The following NEK6 variants were observed in gnomAD, a reference collection of about 807,000 sequenced individuals.
NEK6 encodes NIMA related kinase 6, also known as serine/threonine-protein kinase Nek6.
NEK6 carries 27 observed loss-of-function variants against 43.5 expected under a neutral mutation model. That is an observed-to-expected ratio of 0.62 (90% CI 0.46 to 0.86). NEK6 has a LOEUF of 0.86. NEK6 is among the 40% of genes least tolerant of loss of function. The pLI, the probability that NEK6 is intolerant of heterozygous loss-of-function variation, is 0.00. For synonymous variants in NEK6, 167 were observed against 164.1 expected (o/e 1.02, Z -0.14); for missense variants, 318 against 414.4 (o/e 0.77, Z 2.02).
At position 124,350,720 on chromosome 9, in the gene NEK6, C is replaced by A. The variant is rs1830222643; in HGVS notation, c.832-117C>A. 32 of 749,454 alleles carry A rather than the reference C, an allele frequency of 4.3e-5. 1 individual carries two copies. Among genetic ancestry groups the A allele is most frequent in the South Asian group, 4.0e-4 (27 of 68,000 alleles). 46.4% of individuals were successfully genotyped at this position (749,454 alleles called of 1,614,324 possible). ...CACCGTTCTTCAGCTCTAACGGGGA[C>A]AACGGGACCATCTAGTTGCTCTGAG... On this transcript the variant is annotated intron_variant, in intron 9 of 9. Transcript: ENST00000320246.
At chr9:124,301,122 G>A (rs906909305) in intron 1 of NEK6, among the ~76,000 whole-genome samples, 1 of 152,210 alleles carries the variant, frequency 6.6e-6, no homozygotes, top group Non-Finnish European at 1.5e-5. Context: ...GCATCCCGGT[G>A]GCTGGGTCAC....
upstream of NEK6, chr9:124,257,689 C>G: frequency 2.0e-6 from 3 of 1,533,202 alleles, no homozygotes; most frequent in Non-Finnish European, 2.6e-6. Flanking sequence ...AGTCTAGAGC[C>G]GGAGAAGATG....
chr9:124,282,609 C>T (rs1229073358), intron 1 of NEK6, among the ~76,000 whole-genome samples: 1 of 150,294 alleles, frequency 6.7e-6, no homozygotes, highest in Non-Finnish European at 1.5e-5. Context: ...CAGCAAGGGC[C>T]AGGCTGGGGC....
intron 1 of NEK6, among the ~76,000 whole-genome samples, chr9:124,285,122 G>C (rs1274169371): frequency 6.6e-6 from 1 of 152,216 alleles, no homozygotes; most frequent in Non-Finnish European, 1.5e-5. Context: ...GGCAAGCCCA[G>C]GTTTTGGGTC....
chr9:124,334,271 T>TG (rs1461319417), intron 7 of NEK6, among the ~76,000 whole-genome samples: 2 of 152,002 alleles, frequency 1.3e-5, no homozygotes, highest in African/African-American at 2.4e-5. Flanking sequence ...GATGAATGAA[T>TG]GGGGGTTGGA....
rs1834246774 is a variant in NEK6, at chr9:124,324,686, G to T, written c.406-1644G>T. Among the ~76,000 whole-genome samples the T allele has an allele frequency of 6.6e-6, 1 of 152,154 alleles. No homozygotes were observed. The highest frequency in any genetic ancestry group is 2.4e-5 in the African/African-American group (1 of 41,434). ...TGCTGAGACCTGGGACGGCTCACCT[G>T]AGAGGGCCTCCCAGAATTGTACCTC... On this transcript the variant is annotated intron_variant, in intron 5 of 9. Transcript: ENST00000320246. This position sits in a 1 kb window ranked among gnomAD's most constrained non-coding sequence, Gnocchi z 5.3.
At chr9:124,342,213 C>T (rs1829668282) in intron 8 of NEK6, among the ~76,000 whole-genome samples, 1 of 152,214 alleles carries the variant, frequency 6.6e-6, no homozygotes, top group African/African-American at 2.4e-5. Flanking sequence ...TGCAAACCCA[C>T]CTGTAAGTGG....
At chr9:124,259,668 G>A (rs1038626627) in intron 1 of NEK6, among the ~76,000 whole-genome samples, 1 of 152,192 alleles carries the variant, frequency 6.6e-6, no homozygotes, top group African/African-American at 2.4e-5. Flanking sequence ...GCCGTGGAAT[G>A]AGTCACTCCC....
At chr9:124,328,090 C>T (rs1231527079) in intron 7 of NEK6, among the ~76,000 whole-genome samples, 1 of 152,032 alleles carries the variant, frequency 6.6e-6, no homozygotes, top group Non-Finnish European at 1.5e-5. Flanking sequence ...CCCTATGGGT[C>T]GGGGGGTGCT....
chr9:124,349,400 C>G (rs1390964571), intron 9 of NEK6, among the ~76,000 whole-genome samples: 2 of 152,154 alleles, frequency 1.3e-5, no homozygotes, highest in Non-Finnish European at 2.9e-5. Context: ...TGGGAGTCGC[C>G]CTCTCTACTT....
chr9:124,302,681 C>T (rs114978250), intron 2 of NEK6, among the ~76,000 whole-genome samples: 310 of 152,370 alleles, frequency 2.0e-3, no homozygotes, highest in African/African-American at 7.3e-3. Context: ...CTCTCTGACC[C>T]CTCTTCCAAG....
At chr9:124,269,431 T>C (rs55633519) in intron 1 of NEK6, among the ~76,000 whole-genome samples, 2,438 of 151,984 alleles carry the variant, frequency 0.016, 74 homozygotes, top group African/African-American at 0.055. Flanking sequence ...TGGAGTGCAA[T>C]GGCACGATCT....
In NEK6 at chr9:124,324,116, G is replaced by A. The variant is rs547312875; in HGVS notation, c.406-2214G>A. Among the ~76,000 whole-genome samples the A allele has an allele frequency of 1.2e-4, 18 of 152,162 alleles. No homozygotes were observed. The highest frequency in any genetic ancestry group is 2.6e-4 in the Admixed American group (4 of 15,280). Reference sequence around the variant, plus strand: ...CCTGCAGAGCTGGCTCGGTGCAGCCGCCAGCAGGGGAGGCCTGGCAGTGCA... The same window carrying A: ...CCTGCAGAGCTGGCTCGGTGCAGCCACCAGCAGGGGAGGCCTGGCAGTGCA... On this transcript the variant is annotated intron_variant, in intron 5 of 9. Coordinates refer to ENST00000320246, the MANE Select transcript of NEK6 (RefSeq NM_014397.6). This position sits in a 1 kb window ranked among gnomAD's most constrained non-coding sequence, Gnocchi z 5.3.
Position 124,321,465 on chromosome 9 carries a change from A to G in NEK6, c.301A>G (p.Asn101Asp). Reference protein sequence around the residue: ...VKEIGLLKQLNHPNIIKYLDS... With the variant: ...VKEIGLLKQLDHPNIIKYLDS... ...TCTTTCCCTCCTCATGCAGCAACTG[A>G]ACCACCCAAATATCATCAAGTATTT... Residue 101 changes from asparagine to aspartate, a missense_variant, in exon 5 of 10, where the codon AAC becomes GAC. By Grantham distance (23) the Asn-to-Asp change is conservative (BLOSUM62 1). Coordinates refer to ENST00000320246, the MANE Select transcript of NEK6 (RefSeq NM_014397.6). The G allele has an allele frequency of 6.2e-7, 1 of 1,611,502 alleles. No individual in the cohort carries two copies. Among genetic ancestry groups the G allele is most frequent in the Non-Finnish European group, 8.5e-7 (1 of 1,177,826 alleles).
At position 124,275,609 on chromosome 9, in the gene NEK6, C is replaced by T. The variant is rs903300112; in HGVS notation, c.-30+17524C>T. ...CTTAGAAACCCCTGCTTGGTGCCTC[C>T]ATAGCCCCTTCTGCATCTTCCCCAA... On this transcript the variant is annotated intron_variant, in intron 1 of 9. Coordinates refer to ENST00000320246, the MANE Select transcript of NEK6 (RefSeq NM_014397.6). This position sits in a 1 kb window ranked among gnomAD's most constrained non-coding sequence, Gnocchi z 4.4. Among the ~76,000 whole-genome samples the T allele has an allele frequency of 7.9e-5, 12 of 152,328 alleles. No homozygotes were observed. Among genetic ancestry groups the T allele is most frequent in the African/African-American group, 2.6e-4 (11 of 41,588 alleles).
chr9:124,302,150 C>G, intron 2 of NEK6, 96 bp downstream of exon 2: 1 of 838,538 alleles, frequency 1.2e-6, no homozygotes, highest in Non-Finnish European at 1.8e-6. Context: ...GGTGGAAACC[C>G]TTCAGCTCCC....
rs935070279 is a variant in NEK6, at chr9:124,352,671, G to A, written c.*1724G>A. 4 of 152,208 alleles carry A rather than the reference G, an allele frequency of 2.6e-5. No homozygotes were observed. The highest frequency in any genetic ancestry group is 2.6e-4 in the Admixed American group (4 of 15,286). The allele number at this position is 152,208 out of a possible 1,614,324, so 9.4% of individuals were successfully genotyped here. On this transcript the variant is annotated 3_prime_UTR_variant, in exon 10 of 10. Transcript: ENST00000320246. Reference sequence around the variant, plus strand: ...GCCTGCCCCTGGCAGCTGTAACACAGGAGCTGGCCTGAGAGCAGATTCACC... The same window carrying A: ...GCCTGCCCCTGGCAGCTGTAACACAAGAGCTGGCCTGAGAGCAGATTCACC...
intron 1 of NEK6, among the ~76,000 whole-genome samples, chr9:124,271,000 T>C (rs1831414921): frequency 6.6e-6 from 1 of 152,180 alleles, no homozygotes; most frequent in African/African-American, 2.4e-5. Flanking sequence ...GGGCCTTATG[T>C]TGGTTCTCTC....
chr9:124,303,887 A>G (rs1416045929), intron 2 of NEK6, among the ~76,000 whole-genome samples: 1 of 152,228 alleles, frequency 6.6e-6, no homozygotes, highest in Non-Finnish European at 1.5e-5. Context: ...CATTTTGAGC[A>G]ATTAGGGTTA....
Sources: allele counts gnomAD v4.1 joint callset (sites outside exome capture counted in the v4.1 genomes callset), GRCh38; gene constraint gnomAD v4.1.1; non-coding constraint Gnocchi (gnomAD v3.1); transcripts MANE v1.5; gene names NCBI Gene and HGNC (gene_info 2026-07-23, HGNC 2026-07-21).